EFCAB11: variants seen among roughly 807,000 people sequenced by gnomAD.
EFCAB11 encodes the protein EF-hand calcium-binding domain-containing protein 11.
A neutral mutation model predicts 23.0 loss-of-function variants in EFCAB11; 14 were observed. The observed-to-expected ratio is 0.61, with a 90% CI of 0.40 to 0.95. The LOEUF is 0.95. EFCAB11 is among the 40% of genes least tolerant of loss of function. The pLI is 0.00. For synonymous variants in EFCAB11, 65 were observed against 66.6 expected (o/e 0.98, Z 0.11); for missense variants, 198 against 195.8 (o/e 1.01, Z -0.07).
chr14:89,867,981 G>A (rs1234518287), intron 5 of EFCAB11, among the ~76,000 whole-genome samples: 1 of 152,202 alleles, frequency 6.6e-6, no homozygotes, highest in African/African-American at 2.4e-5. Context: ...AACCACACTA[G>A]CGATTAACGA....
chr14:89,925,438 C>T (rs932024485), intron 5 of EFCAB11, among the ~76,000 whole-genome samples: 4 of 152,170 alleles, frequency 2.6e-5, no homozygotes, highest in African/African-American at 9.7e-5. Flanking sequence ...TCTTACTTAA[C>T]TTTTAATTGC....
intron 5 of EFCAB11, among the ~76,000 whole-genome samples, chr14:89,843,815 C>T (rs76037179): frequency 0.012 from 1,841 of 152,272 alleles, 44 homozygotes; most frequent in African/African-American, 0.041. Flanking sequence ...TTTCATTATA[C>T]ACTATAAAAA....
At chr14:89,866,073 C>T (rs1888083785) in intron 5 of EFCAB11, among the ~76,000 whole-genome samples, 1 of 152,154 alleles carries the variant, frequency 6.6e-6, no homozygotes, top group South Asian at 2.1e-4. Context: ...GCATGAGTCA[C>T]CGTGCCTGGC....
At chr14:89,807,703 T>C (rs2140084608) in intron 5 of EFCAB11, among the ~76,000 whole-genome samples, 1 of 152,318 alleles carries the variant, frequency 6.6e-6, no homozygotes, top group African/African-American at 2.4e-5. Flanking sequence ...TTTAATAGTA[T>C]AATATTTTGA....
chr14:89,844,120 A>G (rs1044467249), intron 5 of EFCAB11, among the ~76,000 whole-genome samples: 1 of 152,254 alleles, frequency 6.6e-6, no homozygotes, highest in Non-Finnish European at 1.5e-5. Flanking sequence ...TCTGATTTCA[A>G]CTTAAACAAT....
chr14:89,933,915 A>C lies in EFCAB11; in HGVS notation c.218-1288T>G, dbSNP rs111547611. Among the ~76,000 whole-genome samples the C allele has an allele frequency of 9.5e-3, 1,442 of 152,350 alleles. 17 individuals are homozygous for C. Among genetic ancestry groups the C allele is most frequent in the Middle Eastern group, 0.048 (14 of 294 alleles). Reference sequence around the variant, plus strand: ...TAAGCCAAGACCTAAACCATGAGACAATACCAACTGCCTAATGTTGGGAAG... The same window carrying C: ...TAAGCCAAGACCTAAACCATGAGACCATACCAACTGCCTAATGTTGGGAAG... On this transcript the variant is annotated intron_variant, in intron 3 of 5. Coordinates refer to ENST00000316738, the MANE Select transcript of EFCAB11 (RefSeq NM_145231.4).
chr14:89,907,366 T>C (rs930410356), intron 5 of EFCAB11, among the ~76,000 whole-genome samples: 3 of 152,204 alleles, frequency 2.0e-5, no homozygotes. Flanking sequence ...AATACAGATG[T>C]TTTTGGCCAT....
chr14:89,898,572 C>G (rs1889243193), intron 5 of EFCAB11, among the ~76,000 whole-genome samples: 1 of 151,830 alleles, frequency 6.6e-6, no homozygotes, highest in Non-Finnish European at 1.5e-5. Context: ...ACCATGTTGA[C>G]CAGGCTGGTC....
intron 5 of EFCAB11, among the ~76,000 whole-genome samples, chr14:89,864,966 T>C (rs1888037944): frequency 6.6e-6 from 1 of 152,212 alleles, no homozygotes; most frequent in Admixed American, 6.5e-5. Context: ...TAGATACTCC[T>C]GGACCTAATA....
chr14:89,931,631 T>C lies in EFCAB11; in HGVS notation c.320A>G (p.Tyr107Cys). The C allele has an allele frequency of 6.2e-7, 1 of 1,612,812 alleles. No homozygotes were observed. The highest frequency in any genetic ancestry group is 8.5e-7 in the Non-Finnish European group (1 of 1,179,020). The change falls in exon 5 of 6, where the codon TAT (tyrosine) becomes TGT (cysteine). Residue 107 changes from tyrosine (Y) to cysteine (C), a missense_variant and splice_region_variant. Transcript: ENST00000316738. ...RHIFTAFDTY[Y>C]RGFLTLEDFK... ...ATCTTCCAAAGTTAAAAATCCACGA[T>C]CTATTTGAAAACAATAAAAAATATT... is the stretch of plus-strand genomic sequence containing the variant.
chr14:89,859,274 GAA>G (rs559243544), intron 5 of EFCAB11, among the ~76,000 whole-genome samples: 2 of 152,154 alleles, frequency 1.3e-5, no homozygotes, highest in Non-Finnish European at 2.9e-5. Context: ...GCAAACAGAA[GAA>G]AGGGCATTTT....
At chr14:89,924,604 A>G (rs12100727) in intron 5 of EFCAB11, 221,748 of 1,534,298 alleles carry the variant, frequency 0.14, 19,954 homozygotes, top group Admixed American at 0.32. Flanking sequence ...TGTTGATGGC[A>G]GGCAAAGTCA....
intron 5 of EFCAB11, among the ~76,000 whole-genome samples, chr14:89,807,365 AG>A (rs1886002374): frequency 6.6e-6 from 1 of 152,246 alleles, no homozygotes; most frequent in Non-Finnish European, 1.5e-5. Flanking sequence ...CCTCTCTGAA[AG>A]CAACAAGTTC....
At chr14:89,894,106 G>A (rs1015995512) in intron 5 of EFCAB11, among the ~76,000 whole-genome samples, 9 of 151,670 alleles carry the variant, frequency 5.9e-5, no homozygotes, top group African/African-American at 1.9e-4. Flanking sequence ...CCGCCATCAC[G>A]CCCCCGGCTT....
At chr14:89,831,978 G>C (rs1003737179) in intron 5 of EFCAB11, among the ~76,000 whole-genome samples, 2 of 152,092 alleles carry the variant, frequency 1.3e-5, no homozygotes, top group Non-Finnish European at 2.9e-5. Context: ...TGCAGAAAGG[G>C]GAATGGCAGG....
chr14:89,947,425 G>A (rs1339785298), intron 3 of EFCAB11, among the ~76,000 whole-genome samples: 1 of 151,970 alleles, frequency 6.6e-6, no homozygotes, highest in African/African-American at 2.4e-5. Flanking sequence ...AACATCTCTT[G>A]ATCTATTGCC....
chr14:89,802,283 T>C (rs895780317), intron 5 of EFCAB11, among the ~76,000 whole-genome samples: 4 of 151,944 alleles, frequency 2.6e-5, no homozygotes, highest in Non-Finnish European at 5.9e-5. Flanking sequence ...TCTTTTCTAT[T>C]AAAATGACAT....
At chr14:89,811,173 G>A (rs895571748) in intron 5 of EFCAB11, among the ~76,000 whole-genome samples, 1 of 151,956 alleles carries the variant, frequency 6.6e-6, no homozygotes, top group Non-Finnish European at 1.5e-5. Flanking sequence ...ACAGAGCAAG[G>A]TACATTCAAG....
At chr14:89,874,542 TA>T (rs1888375734) in intron 5 of EFCAB11, among the ~76,000 whole-genome samples, 2 of 152,206 alleles carry the variant, frequency 1.3e-5, no homozygotes, top group Admixed American at 6.5e-5. Flanking sequence ...GCTTCCCTTT[TA>T]AATATAAGTT....
Sources: allele counts gnomAD v4.1 joint callset (sites outside exome capture counted in the v4.1 genomes callset), GRCh38; gene constraint gnomAD v4.1.1; transcripts MANE v1.5; gene names NCBI Gene and HGNC (gene_info 2026-07-23, HGNC 2026-07-21).